Variants in LRRC4C observed in about 807,000 individuals in gnomAD.
The protein encoded by LRRC4C is leucine-rich repeat-containing protein 4C.
In LRRC4C, 5 loss-of-function variants were observed where a neutral mutation model predicts 33.6. The observed-to-expected ratio is 0.15, with a 90% confidence interval of 0.08 to 0.31. The LOEUF is 0.31. Among genes scored for constraint, LRRC4C ranks in the 10% least tolerant of loss-of-function variants. LRRC4C has a pLI of 1.00. For missense variants in LRRC4C, 560 were observed against 796.7 expected (o/e 0.70, Z 3.58); for synonymous variants, 329 against 302.0 (o/e 1.09, Z -0.93).
intron 1 of LRRC4C, among the ~76,000 whole-genome samples, chr11:41,396,807 C>CAAAAG (rs1953836342): frequency 6.6e-6 from 1 of 151,788 alleles, no homozygotes; most frequent in African/African-American, 2.4e-5. Flanking sequence ...ATGAAGACAC[C>CAAAAG]AAAAGCAATT....
intron 3 of LRRC4C, among the ~76,000 whole-genome samples, chr11:40,636,813 C>G (rs572951593): frequency 6.6e-6 from 1 of 152,118 alleles, no homozygotes; most frequent in Non-Finnish European, 1.5e-5. Flanking sequence ...AATCTCAGTC[C>G]CATCTCACAT....
At position 40,987,636 on chromosome 11, in the gene LRRC4C, TATATATATATATATATCTC is replaced by T. The variant is rs1565274230; in HGVS notation, c.-495-53932_-495-53914del. Among the ~76,000 whole-genome samples, 531 of 84,872 alleles carry T rather than the reference TATATATATATATATATCTC, an allele frequency of 6.3e-3. 26 individuals carry two copies. The highest frequency in any genetic ancestry group is 0.013 in the African/African-American group (321 of 25,254). 55.7% of individuals were successfully genotyped at this position (84,872 alleles called of 152,430 possible). A position where few individuals can be genotyped will look rare whatever the true frequency, so the allele number is the denominator to read the frequency against. On this transcript the variant is annotated intron_variant, in intron 1 of 6. Coordinates refer to ENST00000528697, the MANE Select transcript of LRRC4C (RefSeq NM_001258419.2). ...GCAGGTACAAGTGGGTAATGATATA[TATATATATATATATATCTC>T]ATATATATGAGATATAAATGATATA...
At chr11:41,283,376 G>C (rs569181951) in intron 1 of LRRC4C, among the ~76,000 whole-genome samples, 6 of 152,146 alleles carry the variant, frequency 3.9e-5, no homozygotes, top group African/African-American at 1.4e-4. Context: ...CTAACCACAG[G>C]GGATGTTACT....
intron 1 of LRRC4C, among the ~76,000 whole-genome samples, chr11:40,959,472 A>G (rs1363884137): frequency 2.0e-5 from 3 of 151,694 alleles, no homozygotes; most frequent in Non-Finnish European, 4.4e-5. Flanking sequence ...TGTATTGCGT[A>G]TCAATGGACA....
chr11:40,576,229 C>T (rs1958186463), intron 3 of LRRC4C, among the ~76,000 whole-genome samples: 1 of 152,200 alleles, frequency 6.6e-6, no homozygotes, highest in Non-Finnish European at 1.5e-5. Flanking sequence ...ATTTCTCAAC[C>T]AGCAAGCCCC....
intron 3 of LRRC4C, among the ~76,000 whole-genome samples, chr11:40,641,953 G>C (rs749750117): frequency 2.7e-4 from 41 of 151,468 alleles, no homozygotes; most frequent in Middle Eastern, 3.5e-3. Flanking sequence ...TTCCTTGGGT[G>C]ATGTTTCAGG....
chr11:40,915,921 A>G (rs1262529648), intron 2 of LRRC4C, among the ~76,000 whole-genome samples: 1 of 152,230 alleles, frequency 6.6e-6, no homozygotes, highest in Non-Finnish European at 1.5e-5. Context: ...GAAGACATTT[A>G]TGCAGCCAAC....
At chr11:40,322,444 C>A (rs1230997675) in intron 3 of LRRC4C, among the ~76,000 whole-genome samples, 1 of 152,140 alleles carries the variant, frequency 6.6e-6, no homozygotes, top group Non-Finnish European at 1.5e-5. Context: ...TGGGGTGTTG[C>A]CATGTTGGCC....
intron 1 of LRRC4C, among the ~76,000 whole-genome samples, chr11:41,136,438 A>C (rs1324515480): frequency 6.6e-6 from 1 of 152,178 alleles, no homozygotes; most frequent in Non-Finnish European, 1.5e-5. Flanking sequence ...AACTAGAGGG[A>C]TAAAGAATAC....
chr11:40,122,163 ATTG>A (rs1332648864), intron 6 of LRRC4C, among the ~76,000 whole-genome samples: 1 of 152,130 alleles, frequency 6.6e-6, no homozygotes, highest in Admixed American at 6.6e-5. Flanking sequence ...TCAATCCTGA[ATTG>A]TTGTGTCATA....
chr11:40,167,471 A>C (rs1402496605), intron 5 of LRRC4C, among the ~76,000 whole-genome samples: 1 of 152,160 alleles, frequency 6.6e-6, no homozygotes, highest in Admixed American at 6.5e-5. Context: ...CGTGAACATT[A>C]GTCACTAATA....
Position 40,118,251 on chromosome 11 carries a change from AT to A in LRRC4C, c.-42-1918del, listed in dbSNP as rs1479901821. On this transcript the variant is annotated intron_variant, in intron 6 of 6. Coordinates refer to ENST00000528697, the MANE Select transcript of LRRC4C (RefSeq NM_001258419.2). ...ACTTATATTAAAATATTAACAATAA[AT>A]TAATATAAAATATTTTATTATAAAA... Among the ~76,000 whole-genome samples the A allele has an allele frequency of 6.7e-5, 10 of 149,162 alleles. 1 individual carries two copies. The highest frequency in any genetic ancestry group is 4.0e-4 in the Admixed American group (6 of 14,904).
At chr11:40,698,182 AT>A (rs1253433930) in intron 2 of LRRC4C, among the ~76,000 whole-genome samples, 15 of 152,102 alleles carry the variant, frequency 9.9e-5, no homozygotes, top group African/African-American at 3.1e-4. Context: ...ACATTTAAAA[AT>A]TGCTTTTTCA....
chr11:40,157,991 T>C (rs1858846161), intron 5 of LRRC4C, among the ~76,000 whole-genome samples: 2 of 152,120 alleles, frequency 1.3e-5, no homozygotes, highest in South Asian at 4.1e-4. Flanking sequence ...CAATTCACAA[T>C]TGCAAAATCA....
rs563131695 is a variant in LRRC4C, at chr11:40,589,972, C to G, written c.-270+58170G>C. Among the ~76,000 whole-genome samples the G allele has an allele frequency of 2.7e-3, 409 of 151,400 alleles. 1 individual carries two copies. The highest frequency in any genetic ancestry group is 4.2e-3 in the Non-Finnish European group (288 of 67,906). ...TTATGTGTCTTGGAGTTGCTCTTCT[C>G]GAGGAGTATCTTTGTAGCGTTCTCT... On this transcript the variant is annotated intron_variant, in intron 3 of 6. Coordinates refer to ENST00000528697, the MANE Select transcript of LRRC4C (RefSeq NM_001258419.2).
intron 1 of LRRC4C, among the ~76,000 whole-genome samples, chr11:41,248,641 T>C (rs1685713786): frequency 6.6e-6 from 1 of 152,180 alleles, no homozygotes; most frequent in African/African-American, 2.4e-5. Context: ...TCTTTTATTA[T>C]ACTTACTTCC....
At chr11:40,358,627 C>CGTATTACT (rs1247409931) in intron 3 of LRRC4C, among the ~76,000 whole-genome samples, 1 of 152,044 alleles carries the variant, frequency 6.6e-6, no homozygotes, top group Non-Finnish European at 1.5e-5. Context: ...AAGCTGCCTG[C>CGTATTACT]GTATTACTGA....
At chr11:40,810,077 T>A (rs1175464558) in intron 2 of LRRC4C, among the ~76,000 whole-genome samples, 1 of 152,198 alleles carries the variant, frequency 6.6e-6, no homozygotes, top group East Asian at 1.9e-4. Context: ...ATTCCCTGAC[T>A]TCCTTGTTGT....
At chr11:40,951,441 T>A (rs1958686375) in intron 1 of LRRC4C, among the ~76,000 whole-genome samples, 1 of 151,790 alleles carries the variant, frequency 6.6e-6, no homozygotes, top group Non-Finnish European at 1.5e-5. Flanking sequence ...AAATTCCTGA[T>A]GCAAAAAGAT....
Sources: gnomAD v4.1 joint callset for allele counts (sites outside exome capture counted in the v4.1 genomes callset) on GRCh38, gnomAD v4.1.1 for gene constraint, MANE v1.5 for transcripts, NCBI Gene and HGNC (gene_info 2026-07-23, HGNC 2026-07-21) for gene names.